The following TMTC2 variants were observed in gnomAD, a reference collection of about 807,000 sequenced individuals.
TMTC2 encodes transmembrane O-mannosyltransferase targeting cadherins 2.
A neutral mutation model predicts 82.4 loss-of-function variants in TMTC2; 43 were observed. The ratio of observed to expected loss-of-function variants is 0.52; its 90% CI spans 0.41 to 0.67. The LOEUF (loss-of-function observed/expected upper bound fraction) is 0.67, where lower values mean the gene tolerates loss of function less well. Among genes scored for constraint, TMTC2 ranks in the 30% least tolerant of loss-of-function variants. TMTC2 has a pLI of 0.00. For missense variants in TMTC2, 919 were observed against 1,012.4 expected (o/e 0.91, Z 1.25); for synonymous variants, 408 against 381.9 (o/e 1.07, Z -0.80).
At chr12:82,698,051 C>T (rs961351790) in intron 1 of TMTC2, among the ~76,000 whole-genome samples, 30 of 152,130 alleles carry the variant, frequency 2.0e-4, no homozygotes, top group Admixed American at 1.5e-3. Context: ...AGAAATGCTT[C>T]GGCCTGTATG....
chr12:82,902,040 C>T (rs1440801693), intron 3 of TMTC2, among the ~76,000 whole-genome samples: 1 of 152,140 alleles, frequency 6.6e-6, no homozygotes, highest in Non-Finnish European at 1.5e-5. Flanking sequence ...CTAGAGGGGG[C>T]TGAGTTGAGA....
chr12:82,891,234 C>T lies in TMTC2; in HGVS notation c.655-4584C>T, dbSNP rs539970949. 2.0e-5 allele frequency among the ~76,000 whole-genome samples: 3 copies of T among 152,270 alleles called. No individual in the cohort carries two copies. The South Asian group carries it at 6.2e-4, about 32-fold the overall frequency. ...TTTTATCTTGTTTTAAGGCCATCTC[C>T]ACAAGAACAGTTGAGATGTTTTATT... On this transcript the variant is annotated intron_variant, in intron 2 of 11. Transcript: ENST00000321196.
At chr12:82,827,309 A>T (rs1869469842) in intron 1 of TMTC2, among the ~76,000 whole-genome samples, 1 of 152,184 alleles carries the variant, frequency 6.6e-6, no homozygotes, top group Non-Finnish European at 1.5e-5. Flanking sequence ...AAAGTAAGTC[A>T]CATCAACCAA....
At chr12:82,712,174 G>A (rs1384689509) in intron 1 of TMTC2, among the ~76,000 whole-genome samples, 2 of 152,194 alleles carry the variant, frequency 1.3e-5, no homozygotes, top group Non-Finnish European at 2.9e-5. Flanking sequence ...GCTTACGCCT[G>A]TAATCCTAGC....
At chr12:82,803,797 C>T (rs963558454) in intron 1 of TMTC2, among the ~76,000 whole-genome samples, 9 of 151,996 alleles carry the variant, frequency 5.9e-5, no homozygotes, top group Admixed American at 3.3e-4. Context: ...TATAAAACCC[C>T]AAATCAAAAG....
chr12:82,948,020 AG>A (rs1171859918), intron 4 of TMTC2, among the ~76,000 whole-genome samples: 9 of 152,306 alleles, frequency 5.9e-5, no homozygotes, highest in Admixed American at 1.3e-4. Flanking sequence ...AGTTCAGTGA[AG>A]GGGGCCATTC....
intron 1 of TMTC2, among the ~76,000 whole-genome samples, chr12:82,701,738 G>A (rs1482045746): frequency 1.4e-5 from 2 of 146,788 alleles, no homozygotes; most frequent in African/African-American, 2.5e-5. Flanking sequence ...TCTACCCTGG[G>A]CAACGAGCAA....
intron 9 of TMTC2, among the ~76,000 whole-genome samples, chr12:83,044,752 A>G (rs1882028226): frequency 6.6e-6 from 1 of 152,252 alleles, no homozygotes; most frequent in African/African-American, 2.4e-5. Context: ...TTTTAAAGCT[A>G]CATATGAATG....
chr12:82,760,023 G>A (rs928890622), intron 1 of TMTC2: 32 of 151,992 alleles, frequency 2.1e-4, no homozygotes, highest in African/African-American at 7.5e-4. Context: ...TGGTGCTGCT[G>A]GATTATTTCC....
At chr12:82,787,657 C>G (rs991599010) in intron 1 of TMTC2, among the ~76,000 whole-genome samples, 44 of 151,990 alleles carry the variant, frequency 2.9e-4, no homozygotes, top group Admixed American at 2.9e-3. Flanking sequence ...TCCTGTAATC[C>G]CGGCATTTTG....
chr12:82,991,700 A>G (rs1879410308), intron 8 of TMTC2, among the ~76,000 whole-genome samples: 1 of 152,216 alleles, frequency 6.6e-6, no homozygotes, highest in Non-Finnish European at 1.5e-5. Context: ...ATTGTGATTT[A>G]TTCCTTGTTT....
intron 1 of TMTC2, among the ~76,000 whole-genome samples, chr12:82,844,289 C>G (rs1870508445): frequency 6.6e-6 from 1 of 152,144 alleles, no homozygotes; most frequent in African/African-American, 2.4e-5. Context: ...TGTACTTTAT[C>G]TGTTCTGAAA....
At chr12:82,966,606 G>A (rs1565832059) in intron 6 of TMTC2, among the ~76,000 whole-genome samples, 3 of 151,826 alleles carry the variant, frequency 2.0e-5, no homozygotes, top group Non-Finnish European at 2.9e-5. Context: ...TTTCAAATAT[G>A]TATATATATA....
At chr12:82,883,599 G>C (rs182822341) in intron 2 of TMTC2, among the ~76,000 whole-genome samples, 1 of 152,282 alleles carries the variant, frequency 6.6e-6, no homozygotes, top group Admixed American at 6.5e-5. Flanking sequence ...AATGAGACTG[G>C]AACGCATCTC....
At position 82,715,042 on chromosome 12, in the gene TMTC2, C is replaced by T. The variant is rs149394939; in HGVS notation, c.83+27373C>T. 5.9e-3 allele frequency among the ~76,000 whole-genome samples: 893 copies of T among 152,060 alleles called. 9 individuals are homozygous for T. Among genetic ancestry groups the T allele is most frequent in the African/African-American group, 0.02 (840 of 41,474 alleles). On this transcript the variant is annotated intron_variant, in intron 1 of 11. Transcript: ENST00000321196. ...ATCCCAGCACTTTAGGAGGCCAAGG[C>T]GGGAGGATCACGAGGTCAGGAGTTC...
chr12:83,093,105 A>C (rs995963203), intron 11 of TMTC2, among the ~76,000 whole-genome samples: 1 of 152,114 alleles, frequency 6.6e-6, no homozygotes. Context: ...GTGTGTGTGC[A>C]TGCACATGTA....
chr12:82,951,490 T>G (rs776031847), intron 4 of TMTC2, among the ~76,000 whole-genome samples: 3 of 152,020 alleles, frequency 2.0e-5, no homozygotes, highest in Non-Finnish European at 4.4e-5. Context: ...CTTTTTTTGT[T>G]TTTGTGTTTT....
intron 2 of TMTC2, among the ~76,000 whole-genome samples, chr12:82,863,050 A>G (rs372918220): frequency 2.0e-5 from 3 of 152,094 alleles, no homozygotes; most frequent in South Asian, 2.1e-4. Context: ...TTGAATCCAC[A>G]TGTGCTTTTT....
At chr12:82,892,999 T>A (rs1446074023) in intron 2 of TMTC2, among the ~76,000 whole-genome samples, 1 of 152,168 alleles carries the variant, frequency 6.6e-6, no homozygotes. Flanking sequence ...TGGGTAGAAT[T>A]TCAGAGGAAC....
Sources: gnomAD v4.1 joint callset for allele counts (sites outside exome capture counted in the v4.1 genomes callset) on GRCh38, gnomAD v4.1.1 for gene constraint, MANE v1.5 for transcripts, NCBI Gene and HGNC (gene_info 2026-07-23, HGNC 2026-07-21) for gene names.